The following KSR1 variants were observed in gnomAD, a reference collection of about 807,000 sequenced individuals.
KSR1 encodes kinase suppressor of ras 1.
In KSR1, 35 loss-of-function variants were observed where a neutral mutation model predicts 92.9. That is an observed-to-expected ratio of 0.38 (90% CI 0.29 to 0.50). The LOEUF is 0.50. KSR1 is among the 20% of genes least tolerant of loss of function. KSR1 has a pLI of 0.94. For synonymous variants in KSR1, 467 were observed against 472.6 expected, an observed-to-expected ratio of 0.99 and a Z score of 0.15; for missense variants, 972 against 1,158.5, an observed-to-expected ratio of 0.84 and a Z score of 2.34.
Position 27,456,750 on chromosome 17 carries a change from G to T in KSR1, c.107G>T (p.Arg36Leu), listed in dbSNP as rs772683425. 2.0e-6 allele frequency: 3 copies of T among 1,478,580 alleles called. No homozygotes were observed. Among genetic ancestry groups the T allele is most frequent in the East Asian group, 4.7e-5 (2 of 42,966 alleles). 91.6% of individuals were successfully genotyped at this position (1,478,580 alleles called of 1,614,324 possible). Residue 36 changes from arginine to leucine, a missense_variant, in exon 1 of 21, where the codon CGG (arginine) becomes CTG (leucine). Around this residue, in one of 5 missense-constraint regions of KSR1, gnomAD observed 19 missense variants for 60.3 expected, o/e 0.32. Coordinates refer to ENST00000644974, the MANE Select transcript of KSR1 (RefSeq NM_001394583.1). ...GGAGGCGCAGGGGCCGCGGCCAGCC[G>T]GGCGCTGCAGCAGTGCGGGCAGCTC... ...AEGGAGAAAS[R>L]ALQQCGQLQK...
intron 1 of KSR1, among the ~76,000 whole-genome samples, chr17:27,514,383 G>A (rs1165705458): frequency 6.6e-6 from 1 of 152,216 alleles, no homozygotes; most frequent in African/African-American, 2.4e-5. Context: ...GTAAGGCTGG[G>A]GACAGTAGCT....
At chr17:27,494,951 G>GCTCC (rs1156722263) in intron 1 of KSR1, among the ~76,000 whole-genome samples, 1 of 152,224 alleles carries the variant, frequency 6.6e-6, no homozygotes, top group African/African-American at 2.4e-5. Context: ...AGGTGATCCT[G>GCTCC]CTCCCATTCA....
At chr17:27,481,004 C>A (rs1383106234) in intron 1 of KSR1, among the ~76,000 whole-genome samples, 2 of 152,124 alleles carry the variant, frequency 1.3e-5, no homozygotes, top group Non-Finnish European at 2.9e-5. Flanking sequence ...AACAAAACTA[C>A]CTTTGATGGA....
chr17:27,533,666 GC>G (rs1271423634), intron 1 of KSR1, among the ~76,000 whole-genome samples: 1 of 152,100 alleles, frequency 6.6e-6, no homozygotes, highest in African/African-American at 2.4e-5. Flanking sequence ...ACAGGTGTGA[GC>G]CCCCGCACCC....
In KSR1 at chr17:27,456,498, G is replaced by C. The variant is rs1051460292; in HGVS notation, c.-146G>C. ...CGCGGCTGGGAGGGTGGAAGCGGCA[G>C]ACTCAGCGGCCGGCTCTACCGGCGT... On this transcript the variant is annotated 5_prime_UTR_variant, in exon 1 of 21. Coordinates refer to ENST00000644974, the MANE Select transcript of KSR1 (RefSeq NM_001394583.1). 2 of 397,344 alleles carry C rather than the reference G, an allele frequency of 5.0e-6. No individual in the cohort carries two copies. Among genetic ancestry groups the C allele is most frequent in the Non-Finnish European group, 8.8e-6 (2 of 227,412 alleles). The allele number at this position is 397,344 out of a possible 1,614,324, so 24.6% of individuals were successfully genotyped here.
intron 1 of KSR1, among the ~76,000 whole-genome samples, chr17:27,510,110 G>C (rs908980651): frequency 1.3e-5 from 2 of 152,250 alleles, no homozygotes; most frequent in African/African-American, 4.8e-5. Context: ...CCTGGGCCCT[G>C]CCTCAAAGCT....
intron 1 of KSR1, among the ~76,000 whole-genome samples, chr17:27,512,100 C>T (rs975568431): frequency 2.0e-5 from 3 of 152,212 alleles, no homozygotes; most frequent in Admixed American, 2.0e-4. Context: ...TGGTGTGTCT[C>T]TAGCCTTTGT....
intron 1 of KSR1, chr17:27,526,837 GA>G: frequency 2.6e-6 from 2 of 755,034 alleles, no homozygotes; most frequent in South Asian, 1.7e-5. Flanking sequence ...CCTCCGGGGG[GA>G]GGGGTGGAAG....
chr17:27,599,568 A>G (rs1266291319), intron 10 of KSR1, among the ~76,000 whole-genome samples: 3 of 152,334 alleles, frequency 2.0e-5, no homozygotes, highest in East Asian at 1.9e-4. Flanking sequence ...AAATCAGTCA[A>G]TCAGTCAATT....
At chr17:27,523,234 C>T (rs1174626791) in intron 1 of KSR1, among the ~76,000 whole-genome samples, 2 of 152,102 alleles carry the variant, frequency 1.3e-5, no homozygotes, top group African/African-American at 2.4e-5. Context: ...GCCTATTAGC[C>T]AGGAAATATA....
Position 27,577,553 on chromosome 17 carries a change from A to C in KSR1, c.434A>C (p.Glu145Ala). 6.2e-7 allele frequency: 1 copy of C among 1,605,516 alleles called. No homozygotes were observed. Among genetic ancestry groups the C allele is most frequent in the South Asian group, 1.1e-5 (1 of 89,812 alleles). ...LLEMNEAKVK[E>A]TLRRCGASGD... is the part of the protein sequence containing the mutation. ...GAGATGAATGAGGCCAAGGTGAAGG[A>C]GACGCTGCGGCGCTGTGGGGCCAGC... The change falls in exon 3 of 21, where the codon GAG becomes GCG. Residue 145 changes from glutamate (E) to alanine (A), a missense_variant. By Grantham distance (107) the Glu-to-Ala change is moderately radical. This residue lies in a region of KSR1 where 611 missense variants were observed against 668.0 expected (regional missense o/e 0.91). Transcript: ENST00000644974. This position sits in a 1 kb window ranked among gnomAD's most constrained non-coding sequence, Gnocchi z 4.5.
In KSR1 at chr17:27,503,968, G is replaced by A. The variant is rs571396096; in HGVS notation, c.232-46600G>A. 2.5e-4 allele frequency among the ~76,000 whole-genome samples: 38 copies of A among 152,318 alleles called. 1 individual carries two copies. In the South Asian group the frequency reaches 3.1e-3, roughly 12 times the overall value. ...CATAGCCTATGCAATCCTGACAGATGTACTCTAAGAAGAACAAAACAAGAA... is the reference window on the plus strand; with the variant it reads ...CATAGCCTATGCAATCCTGACAGATATACTCTAAGAAGAACAAAACAAGAA... On this transcript the variant is annotated intron_variant, in intron 1 of 20. Transcript: ENST00000644974.
chr17:27,584,025 C>T, intron 4 of KSR1: 1 of 966,984 alleles, frequency 1.0e-6, no homozygotes, highest in Non-Finnish European at 1.2e-6. Context: ...TTTATCTTGT[C>T]CCTTCTTGAT....
At chr17:27,471,358 T>C (rs1220440663) in intron 1 of KSR1, among the ~76,000 whole-genome samples, 2 of 152,148 alleles carry the variant, frequency 1.3e-5, no homozygotes, top group Admixed American at 6.5e-5. Flanking sequence ...GGTGGGGGTA[T>C]GGAAGAGGTG....
chr17:27,605,847 C>T (rs1567882073), intron 14 of KSR1, 34 bp downstream of exon 14: 1 of 1,608,390 alleles, frequency 6.2e-7, no homozygotes, highest in Non-Finnish European at 8.5e-7. Flanking sequence ...GCTGGATGGC[C>T]AGCTCAGCCT....
intron 9 of KSR1, among the ~76,000 whole-genome samples, chr17:27,594,187 T>C (rs2073261915): frequency 6.6e-6 from 1 of 152,178 alleles, no homozygotes; most frequent in South Asian, 2.1e-4. Context: ...CTTTGTAAAT[T>C]GGGGTTACTA....
chr17:27,457,515 G>C (rs2019235941), intron 1 of KSR1, among the ~76,000 whole-genome samples: 1 of 152,198 alleles, frequency 6.6e-6, no homozygotes, highest in Admixed American at 6.5e-5. Context: ...CCAAAGATTG[G>C]ATTTAGGCTT....
At chr17:27,569,431 T>G (rs1260859091) in intron 2 of KSR1, among the ~76,000 whole-genome samples, 1 of 151,960 alleles carries the variant, frequency 6.6e-6, no homozygotes, top group Non-Finnish European at 1.5e-5. Flanking sequence ...GGGGGTTAGG[T>G]GGGGAGGTGG....
At chr17:27,471,269 C>T (rs2019985274) in intron 1 of KSR1, among the ~76,000 whole-genome samples, 1 of 152,182 alleles carries the variant, frequency 6.6e-6, no homozygotes, top group Non-Finnish European at 1.5e-5. Flanking sequence ...GGGCTTCCTT[C>T]AGTGGAAAGA....
Sources: allele counts gnomAD v4.1 joint callset (sites outside exome capture counted in the v4.1 genomes callset), GRCh38; gene constraint gnomAD v4.1.1; regional missense constraint gnomAD v4.1.1; non-coding constraint Gnocchi (gnomAD v3.1); transcripts MANE v1.5; gene names NCBI Gene and HGNC (gene_info 2026-07-23, HGNC 2026-07-21).